NOVA1: variants seen among roughly 807,000 people sequenced by gnomAD.
NOVA1 encodes the protein RNA-binding protein Nova-1.
A neutral mutation model predicts 38.0 loss-of-function variants in NOVA1; 7 were observed. That is an observed-to-expected ratio of 0.18 (90% CI 0.10 to 0.35). NOVA1 has a LOEUF of 0.35. Among genes scored for constraint, NOVA1 ranks in the 10% least tolerant of loss-of-function variants. The pLI is 1.00. For missense variants in NOVA1, 460 were observed against 616.0 expected (o/e 0.75, Z 2.68); for synonymous variants, 270 against 232.5 (o/e 1.16, Z -1.47).
chr14:26,569,127 A>G (rs1015663681), intron 2 of NOVA1, among the ~76,000 whole-genome samples: 1 of 152,208 alleles, frequency 6.6e-6, no homozygotes, highest in Non-Finnish European at 1.5e-5. Flanking sequence ...ACAAGGAAGC[A>G]TGGTGGCAAG....
chr14:26,568,168 T>C (rs775273179), intron 2 of NOVA1, among the ~76,000 whole-genome samples: 3 of 152,232 alleles, frequency 2.0e-5, no homozygotes, highest in Admixed American at 6.5e-5. Context: ...AACTACTCTT[T>C]ACAATGTAGT....
intron 2 of NOVA1, among the ~76,000 whole-genome samples, chr14:26,554,120 G>A (rs1188782870): frequency 1.0e-4 from 14 of 134,446 alleles, no homozygotes; most frequent in African/African-American, 3.1e-4. Flanking sequence ...CTGCATTCCA[G>A]CACGGGTGAA....
In NOVA1 at chr14:26,595,515, A is replaced by T. The variant is rs1894133026; in HGVS notation, c.175T>A (p.Tyr59Asn). ...QYFLKVLIPSYAAGSIIGKGG... is the reference protein window; with the variant it reads ...QYFLKVLIPSNAAGSIIGKGG... ...TTCCCAATTATAGATCCAGCAGCAT[A>T]ACTAGGTATGAGAACCTTTAGAAAA... The change falls in exon 2 of 5, where the codon TAT becomes AAT. Residue 59 changes from tyrosine (Y) to asparagine (N), a missense_variant. Physicochemically the swap from Tyr to Asn is moderately radical, Grantham distance 143. Transcript: ENST00000539517. 1 of 1,613,846 alleles carries T rather than the reference A, an allele frequency of 6.2e-7. No individual in the cohort carries two copies. Among genetic ancestry groups the T allele is most frequent in the Non-Finnish European group, 8.5e-7 (1 of 1,179,836 alleles).
At chr14:26,564,221 A>T (rs1891993189) in intron 2 of NOVA1, among the ~76,000 whole-genome samples, 1 of 152,128 alleles carries the variant, frequency 6.6e-6, no homozygotes. Flanking sequence ...TTTCATAAAA[A>T]TTGTGGATCT....
At chr14:26,537,591 G>T (rs919594988) in intron 2 of NOVA1, among the ~76,000 whole-genome samples, 2 of 152,104 alleles carry the variant, frequency 1.3e-5, no homozygotes, top group African/African-American at 4.8e-5. Flanking sequence ...AATGGTTAAT[G>T]CCCTTATATC....
At chr14:26,450,382 T>TAC (rs149590260) in intron 4 of NOVA1, among the ~76,000 whole-genome samples, 2,539 of 149,248 alleles carry the variant, frequency 0.017, 53 homozygotes, top group African/African-American at 0.051. Context: ...ACACATATAA[T>TAC]ACACACACAC....
At position 26,480,157 on chromosome 14, in the gene NOVA1, A is replaced by G; in HGVS notation, c.281-14T>C. On this transcript the variant is annotated splice_polypyrimidine_tract_variant and intron_variant, in intron 2 of 4. Coordinates refer to ENST00000539517, the MANE Select transcript of NOVA1 (RefSeq NM_002515.3). ...GCTCAGTAGTACCTGTGGATAAAAC[A>G]TTGATTTTCAGAAAATATTCCACAC... 1 of 1,586,606 alleles carries G rather than the reference A, an allele frequency of 6.3e-7. No individual in the cohort carries two copies. Among genetic ancestry groups the G allele is most frequent in the South Asian group, 1.1e-5 (1 of 87,622 alleles).
At chr14:26,541,836 G>C (rs1890484753) in intron 2 of NOVA1, among the ~76,000 whole-genome samples, 1 of 151,694 alleles carries the variant, frequency 6.6e-6, no homozygotes, top group Admixed American at 6.6e-5. Flanking sequence ...ATATTTTGTA[G>C]TTTGTTTCTT....
At chr14:26,571,140 T>C (rs1030117791) in intron 2 of NOVA1, among the ~76,000 whole-genome samples, 5 of 150,938 alleles carry the variant, frequency 3.3e-5, no homozygotes, top group East Asian at 1.9e-4. Flanking sequence ...ATAATATGGA[T>C]TAAAATATAT....
At chr14:26,480,489 C>T (rs991104932) in intron 2 of NOVA1, among the ~76,000 whole-genome samples, 1 of 151,980 alleles carries the variant, frequency 6.6e-6, no homozygotes, top group East Asian at 1.9e-4. Flanking sequence ...GATCTATAAA[C>T]CCAGTTTTCA....
chr14:26,469,912 T>C (rs892161503), intron 4 of NOVA1, among the ~76,000 whole-genome samples: 1 of 152,152 alleles, frequency 6.6e-6, no homozygotes, highest in Non-Finnish European at 1.5e-5. Flanking sequence ...TTATAAGGCT[T>C]CTCATATAGT....
rs1472232606 is a variant in NOVA1, at chr14:26,447,536, G to A, written c.*423C>T. 5.8e-6 allele frequency: 1 copy of A among 173,198 alleles called. No homozygotes were observed. Among genetic ancestry groups the A allele is most frequent in the Non-Finnish European group, 1.3e-5 (1 of 79,778 alleles). The allele number at this position is 173,198 out of a possible 1,614,324, so 10.7% of individuals were successfully genotyped here. A position where few individuals can be genotyped will look rare whatever the true frequency, so the allele number is the denominator to read the frequency against. On this transcript the variant is annotated 3_prime_UTR_variant, in exon 5 of 5. Transcript: ENST00000539517. ...CCCTAAGCAGGAAGTAAGACTTACA[G>A]GACAGTGCTTTGGCCTCACTCCATT...
At chr14:26,548,256 TAAAAGGA>T (rs1258878359) in intron 2 of NOVA1, among the ~76,000 whole-genome samples, 2 of 151,994 alleles carry the variant, frequency 1.3e-5, no homozygotes, top group Admixed American at 6.6e-5. Context: ...AACCCTGAAT[TAAAAGGA>T]AAACACTTAA....
intron 2 of NOVA1, among the ~76,000 whole-genome samples, chr14:26,560,135 C>G (rs1305604382): frequency 2.6e-5 from 4 of 151,948 alleles, no homozygotes; most frequent in Admixed American, 2.0e-4. Flanking sequence ...TATCTCCCTA[C>G]TTTAAGGATG....
rs1894262644 is a variant in NOVA1, at chr14:26,597,344, T to C, written c.93A>G (p.Glu31=). 24 of 1,265,010 alleles carry C rather than the reference T, an allele frequency of 1.9e-5. No homozygotes were observed. Among genetic ancestry groups the C allele is most frequent in the Non-Finnish European group, 2.3e-5 (23 of 997,106 alleles). 78.4% of individuals were successfully genotyped at this position (1,265,010 alleles called of 1,614,324 possible). Residue 31 remains glutamate, a synonymous_variant, in exon 1 of 5, where the codon GAA becomes GAG. Transcript: ENST00000539517. ...DPPDSRKRPL[E]APPEAGSTKR... ...TGGTGCTGCCGGCTTCAGGGGGGGC[T>C]TCCAGCGGCCTTTTCCGCGAGTCCG...
At chr14:26,537,697 A>G (rs113781749) in intron 2 of NOVA1, among the ~76,000 whole-genome samples, 2 of 152,304 alleles carry the variant, frequency 1.3e-5, no homozygotes, top group African/African-American at 4.8e-5. Flanking sequence ...GCCTGTCCCC[A>G]TGGTTCTTTC....
chr14:26,449,556 A>G (rs1882445400), intron 4 of NOVA1, among the ~76,000 whole-genome samples: 1 of 152,058 alleles, frequency 6.6e-6, no homozygotes, highest in African/African-American at 2.4e-5. Flanking sequence ...AATTATTAGC[A>G]TTTTCATTTA....
intron 2 of NOVA1, among the ~76,000 whole-genome samples, chr14:26,562,338 G>A (rs1891880123): frequency 1.3e-5 from 2 of 152,122 alleles, no homozygotes; most frequent in Non-Finnish European, 2.9e-5. Flanking sequence ...CGTTTAATGG[G>A]ATTGGTTTGA....
At chr14:26,500,916 G>A (rs1345865466) in intron 2 of NOVA1, among the ~76,000 whole-genome samples, 4 of 151,772 alleles carry the variant, frequency 2.6e-5, no homozygotes, top group African/African-American at 4.8e-5. Flanking sequence ...ACTTTTGAGG[G>A]AAAAAAAGTG....
Sources: allele counts gnomAD v4.1 joint callset (sites outside exome capture counted in the v4.1 genomes callset), GRCh38; gene constraint gnomAD v4.1.1; transcripts MANE v1.5; gene names NCBI Gene and HGNC (gene_info 2026-07-23, HGNC 2026-07-21).